Variants in CTNNA3 observed in about 807,000 individuals in gnomAD.
The protein encoded by CTNNA3 is catenin alpha 3.
In CTNNA3, 76 loss-of-function variants were observed where a neutral mutation model predicts 95.7. The ratio of observed to expected loss-of-function variants is 0.79; its 90% CI spans 0.66 to 0.96. CTNNA3 has a LOEUF of 0.96. Among genes scored for constraint, CTNNA3 ranks in the 40% least tolerant of loss-of-function variants. The pLI is 0.00. For synonymous variants in CTNNA3, 431 were observed against 374.4 expected, an observed-to-expected ratio of 1.15 and a Z score of -1.74; for missense variants, 1,191 against 1,089.8, an observed-to-expected ratio of 1.09 and a Z score of -1.31.
chr10:66,916,282 TAAC>T (rs1846491053), intron 7 of CTNNA3, among the ~76,000 whole-genome samples: 1 of 152,148 alleles, frequency 6.6e-6, no homozygotes, highest in Non-Finnish European at 1.5e-5. Flanking sequence ...ACTGTAATAA[TAAC>T]ATATTAACAT....
At chr10:67,260,771 G>C in intron 5 of CTNNA3, among the ~76,000 whole-genome samples, 1 of 151,650 alleles carries the variant, frequency 6.6e-6, no homozygotes, top group Admixed American at 6.6e-5. Flanking sequence ...TGCAACCTCT[G>C]CCTCCTGGGT....
intron 12 of CTNNA3, among the ~76,000 whole-genome samples, chr10:66,363,299 T>C (rs1056097067): frequency 2.6e-5 from 4 of 152,180 alleles, no homozygotes; most frequent in Admixed American, 6.5e-5. Flanking sequence ...TAATCCCTAA[T>C]GTGATGGTAT....
intron 15 of CTNNA3, among the ~76,000 whole-genome samples, chr10:66,029,408 A>C (rs190632136): frequency 2.6e-5 from 4 of 152,206 alleles, no homozygotes; most frequent in East Asian, 3.9e-4. Context: ...CCAGTCTCAA[A>C]GATCAGGTAC....
chr10:67,595,025 T>C (rs1422246124), intron 3 of CTNNA3, among the ~76,000 whole-genome samples: 1 of 152,204 alleles, frequency 6.6e-6, no homozygotes, highest in Non-Finnish European at 1.5e-5. Context: ...AATAATAGTC[T>C]CCAGCTCCAT....
intron 2 of CTNNA3, among the ~76,000 whole-genome samples, chr10:67,612,486 A>C (rs1843493515): frequency 6.6e-6 from 1 of 152,200 alleles, no homozygotes; most frequent in African/African-American, 2.4e-5. Context: ...AAAGGGGCAG[A>C]GAAAAAAATT....
intron 11 of CTNNA3, among the ~76,000 whole-genome samples, chr10:66,394,853 T>A (rs184954856): frequency 6.6e-6 from 1 of 151,998 alleles, no homozygotes; most frequent in Non-Finnish European, 1.5e-5. Context: ...CAGTACTGTT[T>A]AAAATAACCC....
At chr10:66,902,553 A>G (rs1845798160) in intron 7 of CTNNA3, among the ~76,000 whole-genome samples, 1 of 152,208 alleles carries the variant, frequency 6.6e-6, no homozygotes, top group African/African-American at 2.4e-5. Flanking sequence ...AAGGAGATAG[A>G]GACACAAAAA....
chr10:66,152,322 A>C (rs2084247737), intron 13 of CTNNA3, among the ~76,000 whole-genome samples: 1 of 151,964 alleles, frequency 6.6e-6, no homozygotes, highest in Non-Finnish European at 1.5e-5. Context: ...GATAATACAG[A>C]TATTAATTGT....
chr10:66,104,181 T>A (rs2081784595), intron 13 of CTNNA3, among the ~76,000 whole-genome samples: 1 of 152,182 alleles, frequency 6.6e-6, no homozygotes, highest in Non-Finnish European at 1.5e-5. Flanking sequence ...CTTAAATGCC[T>A]CTTTCTCAGG....
In CTNNA3 at chr10:67,271,159, G is replaced by T. The variant is rs1838956111; in HGVS notation, c.580-51289C>A. 2.6e-5 allele frequency among the ~76,000 whole-genome samples: 4 copies of T among 152,274 alleles called. No individual in the cohort carries two copies. In the South Asian group the frequency reaches 8.3e-4, roughly 32 times the overall value. On this transcript the variant is annotated intron_variant, in intron 5 of 17. Coordinates refer to ENST00000433211, the MANE Select transcript of CTNNA3 (RefSeq NM_013266.4). ...ATAGGTGAGGTTATTCTTAATTGATGCCTGTCAATCTTTCTTTTCCTACAC... is the reference window on the plus strand; with the variant it reads ...ATAGGTGAGGTTATTCTTAATTGATTCCTGTCAATCTTTCTTTTCCTACAC...
intron 10 of CTNNA3, among the ~76,000 whole-genome samples, chr10:66,561,906 TG>T (rs1421972625): frequency 1.3e-5 from 2 of 152,154 alleles, no homozygotes; most frequent in East Asian, 3.9e-4. Context: ...TTAGTCAGGT[TG>T]GCAATATACA....
intron 5 of CTNNA3, among the ~76,000 whole-genome samples, chr10:67,505,718 G>T (rs866606570): frequency 6.6e-6 from 1 of 152,180 alleles, no homozygotes; most frequent in East Asian, 1.9e-4. Context: ...AGCTGTTAAT[G>T]CTGTGTGGAT....
chr10:67,741,383 AG>A (rs1412133663), intron 1 of CTNNA3, among the ~76,000 whole-genome samples: 2 of 150,356 alleles, frequency 1.3e-5, no homozygotes, highest in Non-Finnish European at 3.0e-5. Context: ...TTTTCAACCC[AG>A]AATTTCATAT....
At chr10:66,028,756 G>A (rs1424905282) in intron 15 of CTNNA3, among the ~76,000 whole-genome samples, 2 of 151,838 alleles carry the variant, frequency 1.3e-5, no homozygotes, top group Non-Finnish European at 2.9e-5. Context: ...TAAAAAAAAG[G>A]GAAAATGACT....
At chr10:67,651,237 A>C (rs2133492840) in intron 1 of CTNNA3, among the ~76,000 whole-genome samples, 1 of 152,324 alleles carries the variant, frequency 6.6e-6, no homozygotes, top group East Asian at 1.9e-4. Flanking sequence ...TTACCTAATT[A>C]GTCTAACTTT....
intron 13 of CTNNA3, among the ~76,000 whole-genome samples, chr10:66,161,431 T>G (rs1264516207): frequency 6.6e-6 from 1 of 152,170 alleles, no homozygotes; most frequent in East Asian, 1.9e-4. Flanking sequence ...TTTCTGAAAA[T>G]GACTGTATCT....
chr10:66,892,630 T>C (rs1845316702), intron 7 of CTNNA3, among the ~76,000 whole-genome samples: 1 of 152,102 alleles, frequency 6.6e-6, no homozygotes, highest in African/African-American at 2.4e-5. Context: ...TCAGAAATAG[T>C]GGCATCCAGG....
At chr10:66,322,726 T>C (rs12416656) in intron 12 of CTNNA3, among the ~76,000 whole-genome samples, 47,804 of 151,732 alleles carry the variant, frequency 0.32, 8,361 homozygotes, top group Non-Finnish European at 0.39. Flanking sequence ...CTGCTGAATA[T>C]ATGTTGCCAG....
intron 7 of CTNNA3, among the ~76,000 whole-genome samples, chr10:67,089,105 T>C (rs1394628259): frequency 1.3e-5 from 2 of 151,964 alleles, no homozygotes; most frequent in Non-Finnish European, 2.9e-5. Flanking sequence ...GGGACTTACA[T>C]AAACCTAAGG....
Sources: allele counts gnomAD v4.1 joint callset (sites outside exome capture counted in the v4.1 genomes callset), GRCh38; gene constraint gnomAD v4.1.1; transcripts MANE v1.5; gene names NCBI Gene and HGNC (gene_info 2026-07-23, HGNC 2026-07-21).